MACROD2: variants seen among roughly 807,000 people sequenced by gnomAD.
MACROD2 encodes the protein ADP-ribose glycohydrolase MACROD2.
MACROD2 carries 36 observed loss-of-function variants against 70.4 expected under a neutral mutation model. That is an observed-to-expected ratio of 0.51 (90% CI 0.39 to 0.68). The LOEUF is 0.68. Ranked by LOEUF, MACROD2 falls within the 30% of genes least tolerant of loss-of-function variation. The pLI, the probability that MACROD2 is intolerant of heterozygous loss-of-function variation, is 0.00. For synonymous variants in MACROD2, 172 were observed against 178.8 expected (o/e 0.96, Z 0.30); for missense variants, 496 against 538.4 (o/e 0.92, Z 0.78).
chr20:15,464,938 C>G (rs1038099192), intron 7 of MACROD2, among the ~76,000 whole-genome samples: 13 of 152,124 alleles, frequency 8.5e-5, no homozygotes, highest in Non-Finnish European at 1.6e-4. Flanking sequence ...AGGACTGACA[C>G]TCCTCTGAGG....
intron 5 of MACROD2, among the ~76,000 whole-genome samples, chr20:14,837,870 A>G (rs543544580): frequency 6.7e-6 from 1 of 148,628 alleles, no homozygotes; most frequent in African/African-American, 2.5e-5. Context: ...GTGGGGTTAG[A>G]TTTTTTTTTT....
intron 10 of MACROD2, among the ~76,000 whole-genome samples, chr20:15,898,267 C>A (rs1442551280): frequency 6.6e-6 from 1 of 152,128 alleles, no homozygotes; most frequent in Non-Finnish European, 1.5e-5. Context: ...CTGCATCCAT[C>A]AGCTTCACCT....
intron 5 of MACROD2, among the ~76,000 whole-genome samples, chr20:14,902,634 A>G (rs796715248): frequency 1.3e-5 from 2 of 152,190 alleles, no homozygotes; most frequent in South Asian, 4.1e-4. Flanking sequence ...AATGTCCAAG[A>G]AAAGAAGAGA....
chr20:14,949,364 G>C (rs907971140), intron 5 of MACROD2, among the ~76,000 whole-genome samples: 1 of 152,066 alleles, frequency 6.6e-6, no homozygotes, highest in Non-Finnish European at 1.5e-5. Flanking sequence ...TGTTATTTTA[G>C]CAATTGCAAA....
chr20:15,755,175 A>G (rs2051330605), intron 8 of MACROD2, among the ~76,000 whole-genome samples: 2 of 152,074 alleles, frequency 1.3e-5, no homozygotes, highest in African/African-American at 4.8e-5. Flanking sequence ...TTGCATTTCT[A>G]AGAAGTTACC....
intron 8 of MACROD2, among the ~76,000 whole-genome samples, chr20:15,561,482 T>C (rs935439080): frequency 6.6e-6 from 1 of 152,210 alleles, no homozygotes; most frequent in Non-Finnish European, 1.5e-5. Context: ...TTGGAGATTC[T>C]CTATGTTGCT....
chr20:15,708,206 C>T (rs1218567891), intron 8 of MACROD2, among the ~76,000 whole-genome samples: 3 of 151,894 alleles, frequency 2.0e-5, no homozygotes, highest in Non-Finnish European at 4.4e-5. Context: ...TATTCAAGAC[C>T]CAGTTCCCCT....
In MACROD2 at chr20:15,929,328, A is replaced by G. The variant is rs1278359910; in HGVS notation, c.776-3948A>G. On this transcript the variant is annotated intron_variant, in intron 10 of 17. Coordinates refer to ENST00000684519, the MANE Select transcript of MACROD2 (RefSeq NM_001351661.2). ...CAGTGCATGTAAATCCTTTGCTCAC[A>G]TTCTCTCCACTAGCATTTCATTAGC... is the stretch of plus-strand genomic sequence containing the variant. Among the ~76,000 whole-genome samples the G allele has an allele frequency of 3.9e-5, 6 of 152,188 alleles. No individual in the cohort carries two copies. The East Asian group carries it at 1.2e-3, about 29-fold the overall frequency.
At chr20:15,832,598 C>G (rs1353260009) in intron 8 of MACROD2, among the ~76,000 whole-genome samples, 1 of 152,226 alleles carries the variant, frequency 6.6e-6, no homozygotes, top group Non-Finnish European at 1.5e-5. Flanking sequence ...CATACATATT[C>G]CCGTTTATAA....
chr20:15,476,514 A>G (rs968109707), intron 7 of MACROD2, among the ~76,000 whole-genome samples: 10 of 152,204 alleles, frequency 6.6e-5, no homozygotes, highest in Non-Finnish European at 1.3e-4. Flanking sequence ...CCTGAAAACA[A>G]AACAAAACAA....
chr20:14,141,308 G>A (rs993991390), intron 3 of MACROD2, among the ~76,000 whole-genome samples: 15 of 152,208 alleles, frequency 9.9e-5, no homozygotes, highest in Non-Finnish European at 1.8e-4. Context: ...CTATGGTGCA[G>A]TATGGTTAAA....
At chr20:14,049,147 G>A (rs902516061) in intron 2 of MACROD2, among the ~76,000 whole-genome samples, 1 of 134,330 alleles carries the variant, frequency 7.4e-6, no homozygotes, top group African/African-American at 2.7e-5. Flanking sequence ...CCTCAAACCT[G>A]TTTGACAGAA....
At chr20:14,700,294 C>G (rs1028276908) in intron 5 of MACROD2, among the ~76,000 whole-genome samples, 1 of 151,752 alleles carries the variant, frequency 6.6e-6, no homozygotes, top group African/African-American at 2.4e-5. Flanking sequence ...ATCTTAGGTG[C>G]TGTATTTTGC....
At chr20:14,528,380 C>G (rs956179446) in intron 4 of MACROD2, among the ~76,000 whole-genome samples, 3 of 150,856 alleles carry the variant, frequency 2.0e-5, no homozygotes, top group African/African-American at 7.3e-5. Context: ...TCTCCAACTC[C>G]AGACCTCTGG....
At chr20:15,711,669 A>G (rs1354269294) in intron 8 of MACROD2, among the ~76,000 whole-genome samples, 1 of 152,204 alleles carries the variant, frequency 6.6e-6, no homozygotes, top group African/African-American at 2.4e-5. Flanking sequence ...ACAGAAATGT[A>G]AAAAACAGGT....
In MACROD2 at chr20:13,995,702, C is replaced by A; in HGVS notation, c.-62C>A. 1 of 1,357,410 alleles carries A rather than the reference C, an allele frequency of 7.4e-7. No individual in the cohort carries two copies. Among genetic ancestry groups the A allele is most frequent in the Non-Finnish European group, 1.0e-6 (1 of 959,464 alleles). 84.1% of individuals were successfully genotyped at this position (1,357,410 alleles called of 1,614,324 possible). The stretch of plus-strand genomic sequence containing the variant: ...CCTCCCACCCCTCCCACTCCACACA[C>A]ACCCTGTTTGCCCGTGAGCCTGGGG... On this transcript the variant is annotated 5_prime_UTR_variant, in exon 1 of 18. Transcript: ENST00000684519. This position sits in a 1 kb window ranked among gnomAD's most constrained non-coding sequence, Gnocchi z 4.3.
chr20:15,758,888 G>A (rs2051390809), intron 8 of MACROD2, among the ~76,000 whole-genome samples: 1 of 151,602 alleles, frequency 6.6e-6, no homozygotes, highest in South Asian at 2.1e-4. Flanking sequence ...GGTGGCTCAT[G>A]CCTATAATCC....
intron 3 of MACROD2, among the ~76,000 whole-genome samples, chr20:14,249,909 G>A (rs1218045320): frequency 1.3e-5 from 2 of 152,018 alleles, no homozygotes; most frequent in East Asian, 1.9e-4. Context: ...ACGGGGGTGG[G>A]GGATAGCAGT....
chr20:15,001,855 C>T (rs1438870307), intron 5 of MACROD2, among the ~76,000 whole-genome samples: 1 of 151,976 alleles, frequency 6.6e-6, no homozygotes, highest in Non-Finnish European at 1.5e-5. Context: ...TTTTATCCCT[C>T]ACTCCCTCTC....
Sources: allele counts gnomAD v4.1 joint callset (sites outside exome capture counted in the v4.1 genomes callset), GRCh38; gene constraint gnomAD v4.1.1; non-coding constraint Gnocchi (gnomAD v3.1); transcripts MANE v1.5; gene names NCBI Gene and HGNC (gene_info 2026-07-23, HGNC 2026-07-21).